The following MYCBP2 variants were observed in gnomAD, a reference collection of about 807,000 sequenced individuals.
MYCBP2 encodes the protein E3 ubiquitin-protein ligase MYCBP2.
MYCBP2 carries 120 observed loss-of-function variants against 525.3 expected under a neutral mutation model. The ratio of observed to expected loss-of-function variants is 0.23; its 90% CI spans 0.20 to 0.27. The LOEUF is 0.27. Ranked by LOEUF, MYCBP2 falls within the 10% of genes least tolerant of loss-of-function variation. The pLI is 1.00. For synonymous variants in MYCBP2, 1,894 were observed against 1,955.8 expected, an observed-to-expected ratio of 0.97 and a Z score of 0.83; for missense variants, 4,149 against 5,657.1, an observed-to-expected ratio of 0.73 and a Z score of 8.55.
chr13:77,202,606 G>C (rs2062763136), intron 26 of MYCBP2, among the ~76,000 whole-genome samples: 1 of 151,744 alleles, frequency 6.6e-6, no homozygotes, highest in Non-Finnish European at 1.5e-5. Flanking sequence ...GAGAATTTTA[G>C]ACCAATATCC....
At chr13:77,259,637 ATAAT>A (rs1367976505) in intron 13 of MYCBP2, among the ~76,000 whole-genome samples, 1 of 152,238 alleles carries the variant, frequency 6.6e-6, no homozygotes, top group East Asian at 1.9e-4. Flanking sequence ...CCTCCACTTA[ATAAT>A]TAATTGCTAT....
Position 77,168,614 on chromosome 13 carries a change from T to C in MYCBP2, c.5928A>G (p.Gln1976=), listed in dbSNP as rs769544456. Residue 1976 remains glutamine (Q), a synonymous_variant, in exon 40 of 83, where the codon CAA becomes CAG. Transcript: ENST00000544440. ...VAVEVFGLVQ[Q]LLPSVAILNQ... ...TCAAAATGGCAACTGACGGAAGCAATTGTTGGACAAGGCCAAAGACTTCTA... is the reference window on the plus strand; with the variant it reads ...TCAAAATGGCAACTGACGGAAGCAACTGTTGGACAAGGCCAAAGACTTCTA... 2.5e-6 allele frequency: 4 copies of C among 1,614,034 alleles called. No individual in the cohort carries two copies. Among genetic ancestry groups the C allele is most frequent in the East Asian group, 4.5e-5 (2 of 44,892 alleles).
intron 80 of MYCBP2, among the ~76,000 whole-genome samples, chr13:77,053,104 C>T (rs1268430587): frequency 6.6e-6 from 1 of 151,174 alleles, no homozygotes; most frequent in Non-Finnish European, 1.5e-5. Context: ...TGCCACTGCA[C>T]TCCAGCCTGG....
chr13:77,287,978 C>A (rs774625752), intron 3 of MYCBP2, among the ~76,000 whole-genome samples, 183 bp downstream of exon 3: 5 of 152,240 alleles, frequency 3.3e-5, no homozygotes, highest in Non-Finnish European at 5.9e-5. Flanking sequence ...TTTGTTAGCA[C>A]CTTAGTTATA....
In MYCBP2 at chr13:77,139,275, G is replaced by C; in HGVS notation, c.7580C>G (p.Pro2527Arg). ...GGCTTCAGTGTAACCATTCATGTTA[G>C]GGACATACTTCTTTATTGTCTCATC... ...LNDETIKKYV[P>R]NMNGYTEAWC... The change falls in exon 52 of 83, where the codon CCT (proline) becomes CGT (arginine). Residue 2527 changes from proline to arginine, a missense_variant. Physicochemically the swap from Pro to Arg is moderately radical, Grantham distance 103. Coordinates refer to ENST00000544440, the MANE Select transcript of MYCBP2 (RefSeq NM_015057.5). 1 of 1,613,838 alleles carries C rather than the reference G, an allele frequency of 6.2e-7. No homozygotes were observed. The highest frequency in any genetic ancestry group is 8.5e-7 in the Non-Finnish European group (1 of 1,179,798).
rs562476828 is a variant in MYCBP2 at position 77,177,629 on chromosome 13, A to T, written c.5340+119T>A. 7.5e-5 allele frequency: 63 copies of T among 841,018 alleles called. No homozygotes were observed. The South Asian group carries it at 9.6e-4, about 13-fold the overall frequency. The allele number at this position is 841,018 out of a possible 1,614,324, so 52.1% of individuals were successfully genotyped here. ...GAGCCACTGTGGCCAGTCTTTTTCA[A>T]TTTCTTTAGTGTCATTCATCAGTGA... is the stretch of plus-strand genomic sequence containing the variant. On this transcript the variant is annotated intron_variant, in intron 35 of 82. Transcript: ENST00000544440.
chr13:77,169,389 C>T (rs2058902324), intron 39 of MYCBP2, among the ~76,000 whole-genome samples: 1 of 143,856 alleles, frequency 7.0e-6, no homozygotes. Context: ...GAACAAGACT[C>T]CGTCTCAAAA....
At chr13:77,297,211 T>C (rs1365892802) in intron 1 of MYCBP2, among the ~76,000 whole-genome samples, 1 of 152,158 alleles carries the variant, frequency 6.6e-6, no homozygotes, top group Non-Finnish European at 1.5e-5. Flanking sequence ...TGAATAACTT[T>C]TGAGAAACAG....
At chr13:77,192,648 T>C (rs1467589460) in intron 27 of MYCBP2, among the ~76,000 whole-genome samples, 1 of 152,182 alleles carries the variant, frequency 6.6e-6, no homozygotes, top group African/African-American at 2.4e-5. Flanking sequence ...ATTTCATTAA[T>C]GCATTAAGAC....
intron 80 of MYCBP2, among the ~76,000 whole-genome samples, chr13:77,053,153 G>C (rs1193814891): frequency 2.7e-5 from 4 of 149,908 alleles, no homozygotes; most frequent in Admixed American, 6.6e-5. Context: ...AAAAAAAAAG[G>C]CAAATTTGAT....
chr13:77,171,462 A>C, intron 38 of MYCBP2, 30 bp downstream of exon 38: 1 of 1,597,914 alleles, frequency 6.3e-7, no homozygotes, highest in Non-Finnish European at 8.5e-7. Context: ...AGAATCTAAA[A>C]TATGACTACT....
At chr13:77,068,414 A>AAAAAAAAAAAAAAAAAAAT in intron 70 of MYCBP2, 151 bp downstream of exon 70, 3 of 844,670 alleles carry the variant, frequency 3.6e-6, no homozygotes, top group Non-Finnish European at 5.3e-6. Flanking sequence ...ACAGTAAAAA[A>AAAAAAAAAAAAAAAAAAAT]GGGAGTAAAA....
At chr13:77,047,255 C>A (rs949663612) in intron 82 of MYCBP2, among the ~76,000 whole-genome samples, 3 of 152,090 alleles carry the variant, frequency 2.0e-5, no homozygotes, top group Non-Finnish European at 4.4e-5. Context: ...TCATAGGAGG[C>A]AGAAACGATT....
intron 68 of MYCBP2, among the ~76,000 whole-genome samples, chr13:77,073,743 G>T (rs1269332263): frequency 2.0e-5 from 3 of 151,916 alleles, no homozygotes; most frequent in African/African-American, 2.4e-5. Flanking sequence ...CACTAGAAAT[G>T]AACAATTGGA....
In MYCBP2 at chr13:77,296,646, A is replaced by G. The variant is rs544476307; in HGVS notation, c.331T>C (p.Leu111=). The change falls in exon 2 of 83, where the codon TTG becomes CTG. Residue 111 remains leucine (L), a synonymous_variant. Transcript: ENST00000544440. ...GATTTGCTCTTCTGTTTTCTTTTCAATTTCTTCTTATTTAAAATTTTCTTA... is the reference window on the plus strand; with the variant it reads ...GATTTGCTCTTCTGTTTTCTTTTCAGTTTCTTCTTATTTAAAATTTTCTTA... The part of the protein sequence containing the change: ...RNKKILNKKK[L]KRKQKSKSKV... 23 of 1,501,390 alleles carry G rather than the reference A, an allele frequency of 1.5e-5. No homozygotes were observed. In the East Asian group the frequency reaches 1.9e-4, roughly 12 times the overall value. The allele number at this position is 1,501,390 out of a possible 1,614,324, so 93.0% of individuals were successfully genotyped here.
chr13:77,280,671 C>T (rs1003270984), intron 3 of MYCBP2, among the ~76,000 whole-genome samples: 2 of 152,142 alleles, frequency 1.3e-5, no homozygotes, highest in Non-Finnish European at 2.9e-5. Context: ...GCCTAATGAA[C>T]AGGTTCTTGA....
chr13:77,200,806 AAGG>A (rs1276759431), intron 26 of MYCBP2, among the ~76,000 whole-genome samples: 5 of 152,154 alleles, frequency 3.3e-5, no homozygotes, highest in Non-Finnish European at 7.3e-5. Context: ...TTCATAAGTG[AAGG>A]AGAAATAAAA....
Position 77,097,949 on chromosome 13 carries a change from T to G in MYCBP2, c.9205A>C (p.Arg3069=). 6.2e-7 allele frequency: 1 copy of G among 1,613,498 alleles called. No homozygotes were observed. Among genetic ancestry groups the G allele is most frequent in the Non-Finnish European group, 8.5e-7 (1 of 1,179,768 alleles). Residue 3069 remains arginine (R), a synonymous_variant, in exon 56 of 83, where the codon AGG becomes CGG. Transcript: ENST00000544440. ...GGTTGTTGGCTATTTAAACTACTCCTTATAGGAGCATGTTCTTTGGAAAGT... is the reference window on the plus strand; with the variant it reads ...GGTTGTTGGCTATTTAAACTACTCCGTATAGGAGCATGTTCTTTGGAAAGT... The part of the protein sequence containing the change: ...PELSKEHAPI[R]SSLNSQQPTE...
At position 77,068,922 on chromosome 13, in the gene MYCBP2, G is replaced by T. The variant is rs142825478; in HGVS notation, c.11905-91C>A. The T allele has an allele frequency of 6.0e-4, 758 of 1,259,046 alleles. 1 individual carries two copies. The highest frequency in any genetic ancestry group is 7.8e-4 in the Non-Finnish European group (703 of 899,764). 78.0% of individuals were successfully genotyped at this position (1,259,046 alleles called of 1,614,324 possible). ...ACAAGCAAACAAAAGAATAAGACAA[G>T]AATGTAAATTGATACTCAATTTAAT... is the stretch of plus-strand genomic sequence containing the variant. On this transcript the variant is annotated intron_variant, in intron 69 of 82. Coordinates refer to ENST00000544440, the MANE Select transcript of MYCBP2 (RefSeq NM_015057.5).
Sources: allele counts gnomAD v4.1 joint callset (sites outside exome capture counted in the v4.1 genomes callset), GRCh38; gene constraint gnomAD v4.1.1; transcripts MANE v1.5; gene names NCBI Gene and HGNC (gene_info 2026-07-23, HGNC 2026-07-21).